Variants in TECTA observed in about 807,000 individuals in gnomAD.
TECTA encodes the protein alpha-tectorin.
A neutral mutation model predicts 216.8 loss-of-function variants in TECTA; 128 were observed. That is an observed-to-expected ratio of 0.59 (90% CI 0.51 to 0.68). TECTA has a LOEUF of 0.68. Among genes scored for constraint, TECTA ranks in the 30% least tolerant of loss-of-function variants. The pLI is 0.00. For missense variants in TECTA, 2,551 were observed against 2,786.2 expected, an observed-to-expected ratio of 0.92 and a Z score of 1.90; for synonymous variants, 1,089 against 1,117.1, an observed-to-expected ratio of 0.97 and a Z score of 0.50.
rs1946744333 is a variant in TECTA, at chr11:121,137,654, ATCT to A, written c.3179_3181del (p.Phe1060del). The A allele has an allele frequency of 6.2e-7, 1 of 1,613,952 alleles. No individual in the cohort carries two copies. Among genetic ancestry groups the A allele is most frequent in the Non-Finnish European group, 8.5e-7 (1 of 1,179,988 alleles). ...CTTCTGGGTGGACCTGGACTGCCAG[ATCT>A]TCTGCTATTGCAGTGGCACAGACAA... On this transcript the variant is annotated inframe_deletion, in exon 11 of 24. Transcript: ENST00000392793.
At chr11:121,107,115 G>A (rs998481307) in intron 3 of TECTA, among the ~76,000 whole-genome samples, 2 of 152,156 alleles carry the variant, frequency 1.3e-5, no homozygotes, top group East Asian at 1.9e-4. Flanking sequence ...ATCCTGAAAC[G>A]CCTTTTATAC....
At chr11:121,156,910 G>T (rs1303800761) in intron 13 of TECTA, among the ~76,000 whole-genome samples, 4 of 152,126 alleles carry the variant, frequency 2.6e-5, no homozygotes, top group Non-Finnish European at 5.9e-5. Flanking sequence ...AACCCAGGTG[G>T]TCTGATCCCA....
chr11:121,118,549 C>T lies in TECTA; in HGVS notation c.1034C>T (p.Ala345Val), dbSNP rs1946523206. ...CTCTTCCACTTCCAAGGCTCCTGTG[C>T]CTACTTGCTGGCCCGACAGTGTTTG... ...GFLFHFQGSC[A>V]YLLARQCLQT... The change falls in exon 7 of 24, where the codon GCC becomes GTC. Residue 345 changes from alanine to valine, a missense_variant. Around this residue, in one of 3 missense-constraint regions of TECTA, gnomAD observed 2,375 missense variants for 2,563.9 expected, o/e 0.93. Transcript: ENST00000392793. 1 of 1,614,072 alleles carries T rather than the reference C, an allele frequency of 6.2e-7. No individual in the cohort carries two copies. The highest frequency in any genetic ancestry group is 1.3e-5 in the African/African-American group (1 of 74,916).
chr11:121,117,508 T>C (rs371144918), intron 6 of TECTA, among the ~76,000 whole-genome samples: 1 of 152,238 alleles, frequency 6.6e-6, no homozygotes, highest in Non-Finnish European at 1.5e-5. Context: ...AAAGACTGCA[T>C]GTCTACCAAA....
chr11:121,102,596 A>G, intron 1 of TECTA, 69 bp from the exon 2 acceptor site: 2 of 1,224,448 alleles, frequency 1.6e-6, no homozygotes, highest in Non-Finnish European at 2.4e-6. Flanking sequence ...TAGCCACTAA[A>G]CACACCTGGT....
chr11:121,147,455 C>T lies in TECTA; in HGVS notation c.4105+1339C>T, dbSNP rs909187459. Among the ~76,000 whole-genome samples, 10 of 152,230 alleles carry T rather than the reference C, an allele frequency of 6.6e-5. No individual in the cohort carries two copies. In the South Asian group the frequency reaches 8.3e-4, roughly 13 times the overall value. Reference sequence around the variant, plus strand: ...CCATCCCATTTCATCCAGGCTCAGTCCCTGAGTGGGTGAGGCCAGGCAGGG... The same window carrying T: ...CCATCCCATTTCATCCAGGCTCAGTTCCTGAGTGGGTGAGGCCAGGCAGGG... On this transcript the variant is annotated intron_variant, in intron 12 of 23. Transcript: ENST00000392793.
At chr11:121,106,775 G>A (rs963802567) in intron 3 of TECTA, among the ~76,000 whole-genome samples, 30 of 152,118 alleles carry the variant, frequency 2.0e-4, no homozygotes, top group African/African-American at 7.2e-4. Flanking sequence ...TTATGGCTCC[G>A]GGATGATTCC....
chr11:121,121,668 G>C (rs1297245733), intron 7 of TECTA, among the ~76,000 whole-genome samples: 2 of 152,342 alleles, frequency 1.3e-5, no homozygotes, highest in African/African-American at 4.8e-5. Flanking sequence ...CAAGAACAGA[G>C]GCAGGGAAAC....
chr11:121,173,275 C>T (rs923453509), intron 20 of TECTA, among the ~76,000 whole-genome samples: 1 of 150,482 alleles, frequency 6.6e-6, no homozygotes, highest in African/African-American at 2.4e-5. Context: ...ATGCCTATGT[C>T]CTGAATGGTA....
chr11:121,121,118 A>T (rs975528131), intron 7 of TECTA, among the ~76,000 whole-genome samples: 1 of 152,174 alleles, frequency 6.6e-6, no homozygotes, highest in South Asian at 2.1e-4. Context: ...CCCCATCCTC[A>T]ATTTCCTCAT....
rs926938958 is a variant in TECTA, at chr11:121,160,317, C to T, written c.4872C>T (p.Asn1624=). 2 of 1,614,170 alleles carry T rather than the reference C, an allele frequency of 1.2e-6. No homozygotes were observed. Among genetic ancestry groups the T allele is most frequent in the Admixed American group, 1.7e-5 (1 of 60,024 alleles). ...ACAAAGTGTGCGGTCTCTGTGGCAA[C>T]TTCAACGGGGACCTAACAGATGATT... ...LQNKVCGLCG[N]FNGDLTDDYV... is the part of the protein sequence containing the mutation. Residue 1624 remains asparagine, a synonymous_variant, in exon 15 of 24, where the codon AAC becomes AAT. Coordinates refer to ENST00000392793, the MANE Select transcript of TECTA (RefSeq NM_005422.4).
At chr11:121,151,345 A>G (rs1946887712) in intron 12 of TECTA, among the ~76,000 whole-genome samples, 1 of 152,240 alleles carries the variant, frequency 6.6e-6, no homozygotes, top group Admixed American at 6.5e-5. Context: ...AAAGGTATAC[A>G]TACAGGGATG....
rs1207908408 is a variant in TECTA, at chr11:121,191,020, A to T, written c.*214A>T. The T allele has an allele frequency of 2.1e-6, 1 of 480,556 alleles. No homozygotes were observed. The highest frequency in any genetic ancestry group is 4.1e-5 in the East Asian group (1 of 24,328). 29.8% of individuals were successfully genotyped at this position (480,556 alleles called of 1,614,324 possible). A position where few individuals can be genotyped will look rare whatever the true frequency, so the allele number is the denominator to read the frequency against. On this transcript the variant is annotated 3_prime_UTR_variant, in exon 24 of 24. Coordinates refer to ENST00000392793, the MANE Select transcript of TECTA (RefSeq NM_005422.4). ...CGGGGCTTCTACAAGCCAGTTATGG[A>T]AAGTATCTCTCTTGTGTAAAATTCC...
In TECTA at chr11:121,125,718, C is replaced by G. The variant is rs776016139; in HGVS notation, c.1620C>G (p.Val540=). The G allele has an allele frequency of 4.3e-6, 7 of 1,613,300 alleles. No individual in the cohort carries two copies. Among genetic ancestry groups the G allele is most frequent in the Non-Finnish European group, 4.2e-6 (5 of 1,179,268 alleles). ...GCCCTCTGTGGGAGTGTGGCACTGT[C>G]GTGGACCCCACTGCTTTTGTGCACA... The part of the protein sequence containing the change: ...TDGPLWECGT[V]VDPTAFVHSC... The change falls in exon 8 of 24, where the codon GTC becomes GTG. Residue 540 remains valine (V), a synonymous_variant. Transcript: ENST00000392793.
intron 3 of TECTA, 125 bp from the exon 4 acceptor site, chr11:121,109,086 G>T (rs1433189706): frequency 7.7e-6 from 8 of 1,037,674 alleles, no homozygotes; most frequent in Non-Finnish European, 1.1e-5. Context: ...GTGTTTGGGG[G>T]TTCTAATTCA....
chr11:121,149,714 A>G (rs915291917), intron 12 of TECTA, among the ~76,000 whole-genome samples: 4 of 152,208 alleles, frequency 2.6e-5, no homozygotes, highest in Non-Finnish European at 5.9e-5. Context: ...TAGGGGCTCC[A>G]TTCATCCTGT....
intron 10 of TECTA, among the ~76,000 whole-genome samples, chr11:121,131,047 T>C (rs1946669503): frequency 6.6e-6 from 1 of 151,572 alleles, no homozygotes; most frequent in African/African-American, 2.4e-5. Context: ...ACCCTGTCTC[T>C]ACTAAAAATA....
chr11:121,129,215 A>G (rs899233620), intron 9 of TECTA, among the ~76,000 whole-genome samples: 1 of 152,256 alleles, frequency 6.6e-6, no homozygotes, highest in Non-Finnish European at 1.5e-5. Context: ...ATCATTAGAG[A>G]TATGCTATGT....
chr11:121,128,036 A>G lies in TECTA; in HGVS notation c.2059A>G (p.Asn687Asp). 1 of 1,613,200 alleles carries G rather than the reference A, an allele frequency of 6.2e-7. No homozygotes were observed. ...GGAGGGCGGGGACGTCTACTGCTTC[A>G]ACAAGACCTGCGGCAGCGGGGAGGT... Reference protein sequence around the residue: ...CEEGGDVYCFNKTCGSGEVCA... With the variant: ...CEEGGDVYCFDKTCGSGEVCA... Residue 687 changes from asparagine to aspartate, a missense_variant, in exon 9 of 24, where the codon AAC becomes GAC. This residue lies in a region of TECTA where 2,375 missense variants were observed against 2,563.9 expected (regional missense o/e 0.93). Transcript: ENST00000392793.
Sources: allele counts gnomAD v4.1 joint callset (sites outside exome capture counted in the v4.1 genomes callset), GRCh38; gene constraint gnomAD v4.1.1; regional missense constraint gnomAD v4.1.1; transcripts MANE v1.5; gene names NCBI Gene and HGNC (gene_info 2026-07-23, HGNC 2026-07-21).